The following ITGB4 variants were observed in gnomAD, a reference collection of about 807,000 sequenced individuals.
ITGB4 encodes integrin beta-4.
A neutral mutation model predicts 207.6 loss-of-function variants in ITGB4; 159 were observed. That is an observed-to-expected ratio of 0.77 (90% CI 0.67 to 0.87). The LOEUF (loss-of-function observed/expected upper bound fraction) is 0.87, where lower values mean the gene tolerates loss of function less well. ITGB4 is among the 40% of genes least tolerant of loss of function. The probability of loss-of-function intolerance (pLI) is 0.00; values close to 1 mark genes in which losing one functional copy is unlikely to be tolerated. For synonymous variants in ITGB4, 1,020 were observed against 1,062.7 expected, an observed-to-expected ratio of 0.96 and a Z score of 0.78; for missense variants, 2,278 against 2,546.8, an observed-to-expected ratio of 0.89 and a Z score of 2.27.
intron 36 of ITGB4, 41 bp downstream of exon 36, chr17:75,756,658 C>T (rs746488717): frequency 6.2e-6 from 10 of 1,613,016 alleles, no homozygotes; most frequent in Non-Finnish European, 8.5e-6. Context: ...CCCCATCATG[C>T]CCACCACCCA....
At chr17:75,733,460 G>A (rs1448513674) in intron 12 of ITGB4, 30 bp from the exon 13 acceptor site, 1 of 1,600,666 alleles carries the variant, frequency 6.2e-7, no homozygotes, top group Non-Finnish European at 8.5e-7. Flanking sequence ...CTCCTGGGCT[G>A]TTTCGGGGAA....
intron 33 of ITGB4, 132 bp from the exon 34 acceptor site, chr17:75,754,444 G>A (rs2061439774): frequency 8.7e-7 from 1 of 1,152,380 alleles, no homozygotes; most frequent in Non-Finnish European, 1.3e-6. Flanking sequence ...CTAGTGGTTT[G>A]AGGGAAACTG....
At chr17:75,741,891 A>G (rs938550608) in intron 23 of ITGB4, among the ~76,000 whole-genome samples, 1 of 151,908 alleles carries the variant, frequency 6.6e-6, no homozygotes, top group South Asian at 2.1e-4. Flanking sequence ...GTGTGTGGTC[A>G]TCTTATCCAA....
At chr17:75,751,995 G>A (rs1023858346) in intron 30 of ITGB4, 179 bp from the exon 31 acceptor site, 16 of 758,954 alleles carry the variant, frequency 2.1e-5, no homozygotes, top group African/African-American at 3.4e-5. Context: ...ATATGTCCAC[G>A]CCAGTCATGC....
rs150509859 is a variant in ITGB4, at chr17:75,747,211, G to A, written c.3112-1630G>A. On this transcript the variant is annotated intron_variant, in intron 26 of 39. Coordinates refer to ENST00000200181, the MANE Select transcript of ITGB4 (RefSeq NM_000213.5). ...GTCCATATTCCAGCCAGGCGTGGTG[G>A]CTCACACCTGTAATCCCAGCACTTT... Among the ~76,000 whole-genome samples the A allele has an allele frequency of 1.8e-3, 281 of 152,218 alleles. 2 individuals carry two copies. The highest frequency in any genetic ancestry group is 6.3e-3 in the African/African-American group (262 of 41,518).
chr17:75,743,780 C>T lies in ITGB4; in HGVS notation c.3030C>T (p.Ile1010=), dbSNP rs2061171129. ...SVSRGDQVAR[I]PVIRRVLDGG... ...GCCGCGGGGACCAGGTGGCCCGCAT[C>T]CCTGTCATCCGGCGTGTCCTGGACG... The change falls in exon 26 of 40, where the codon ATC becomes ATT. Residue 1010 remains isoleucine (I), a synonymous_variant. Coordinates refer to ENST00000200181, the MANE Select transcript of ITGB4 (RefSeq NM_000213.5). 1.2e-6 allele frequency: 2 copies of T among 1,613,458 alleles called. No homozygotes were observed. Among genetic ancestry groups the T allele is most frequent in the East Asian group, 4.5e-5 (2 of 44,878 alleles).
At chr17:75,751,972 G>T in intron 30 of ITGB4, 2 of 689,674 alleles carry the variant, frequency 2.9e-6, no homozygotes, top group Non-Finnish European at 5.3e-6. Flanking sequence ...GAGTCCCTTG[G>T]AGGACTGGTG....
In ITGB4 at chr17:75,753,956, A is replaced by T; in HGVS notation, c.4300A>T (p.Thr1434Ser). ...GGGCGGCAGCCTGCCCCGCAGTGCG[A>T]CACCCGGGCCCCCCGGAGGTGACAG... Reference protein sequence around the residue: ...GKGGSLPRSATPGPPGEHLVN... With the variant: ...GKGGSLPRSASPGPPGEHLVN... Residue 1434 changes from threonine (T) to serine (S), a missense_variant, in exon 33 of 40, where the codon ACA becomes TCA. Coordinates refer to ENST00000200181, the MANE Select transcript of ITGB4 (RefSeq NM_000213.5). 1 of 1,265,166 alleles carries T rather than the reference A, an allele frequency of 7.9e-7. No individual in the cohort carries two copies. Among genetic ancestry groups the T allele is most frequent in the Non-Finnish European group, 9.9e-7 (1 of 1,010,102 alleles). 78.4% of individuals were successfully genotyped at this position (1,265,166 alleles called of 1,614,324 possible).
In ITGB4 at chr17:75,733,702, A is replaced by G. The variant is rs1378622885; in HGVS notation, c.1657+10A>G. ...GGGTTCCTCTGCAATGGTGAGCACA[A>G]CAACTGCGGCCAATGCTGATGGCGG... On this transcript the variant is annotated intron_variant, in intron 13 of 39. Coordinates refer to ENST00000200181, the MANE Select transcript of ITGB4 (RefSeq NM_000213.5). 1 of 1,613,438 alleles carries G rather than the reference A, an allele frequency of 6.2e-7. No individual in the cohort carries two copies. The highest frequency in any genetic ancestry group is 1.3e-5 in the African/African-American group (1 of 74,936).
rs755302776 is a variant in ITGB4 at position 75,739,667 on chromosome 17, C to A, written c.2221-5C>A. ...GGCCTCACCCTCACCCACCTTGTCTCCTAGGCCTGCCTGGCACTTCTCCCG... is the reference window on the plus strand; with the variant it reads ...GGCCTCACCCTCACCCACCTTGTCTACTAGGCCTGCCTGGCACTTCTCCCG... On this transcript the variant is annotated splice_polypyrimidine_tract_variant and splice_region_variant and intron_variant, in intron 18 of 39. Transcript: ENST00000200181. This position sits in a 1 kb window ranked among gnomAD's most constrained non-coding sequence, Gnocchi z 5.4. The A allele has an allele frequency of 6.2e-7, 1 of 1,614,174 alleles. No homozygotes were observed. The highest frequency in any genetic ancestry group is 1.1e-5 in the South Asian group (1 of 91,088).
intron 25 of ITGB4, among the ~76,000 whole-genome samples, chr17:75,743,476 A>G (rs1315860301): frequency 6.6e-6 from 1 of 151,672 alleles, no homozygotes; most frequent in Non-Finnish European, 1.5e-5. Flanking sequence ...CAGGTGATCC[A>G]CCTGCCTCAG....
chr17:75,752,327 T>A lies in ITGB4; in HGVS notation c.3947T>A (p.Leu1316Gln). ...WGPEREAIIN[L>Q]ATQPKRPMSI... is the part of the protein sequence containing the mutation. Reference sequence around the variant, plus strand: ...CCTGAGCGGGAGGCCATCATCAACCTGGCCACCCAGCCCAAGAGGCCCATG... The same window carrying A: ...CCTGAGCGGGAGGCCATCATCAACCAGGCCACCCAGCCCAAGAGGCCCATG... Residue 1316 changes from leucine (L) to glutamine (Q), a missense_variant, in exon 31 of 40, where the codon CTG becomes CAG. Leu to Gln is a moderately radical substitution (Grantham distance 113). Transcript: ENST00000200181. The A allele has an allele frequency of 6.2e-7, 1 of 1,612,446 alleles. No homozygotes were observed. The highest frequency in any genetic ancestry group is 2.2e-5 in the East Asian group (1 of 44,830).
intron 18 of ITGB4, among the ~76,000 whole-genome samples, chr17:75,738,595 C>CA (rs2061035306): frequency 6.6e-6 from 1 of 152,234 alleles, no homozygotes; most frequent in South Asian, 2.1e-4. Flanking sequence ...TCCCTGAGAG[C>CA]ACCTGCTCTG....
rs936663656 is a variant in ITGB4 at position 75,722,063 on chromosome 17, G to A, written c.-11+451G>A. Reference sequence around the variant, plus strand: ...CTACTTTTAAAAGCCACCCTGAGAGGCAGACGCCATCCCGGCTCCAGGCAG... The same window carrying A: ...CTACTTTTAAAAGCCACCCTGAGAGACAGACGCCATCCCGGCTCCAGGCAG... On this transcript the variant is annotated intron_variant, in intron 1 of 39. Coordinates refer to ENST00000200181, the MANE Select transcript of ITGB4 (RefSeq NM_000213.5). The surrounding 1 kb of genome is among the most constrained non-coding windows in gnomAD (Gnocchi z 6.2). Among the ~76,000 whole-genome samples the A allele has an allele frequency of 3.3e-5, 5 of 152,256 alleles. No homozygotes were observed. The highest frequency in any genetic ancestry group is 5.9e-5 in the Non-Finnish European group (4 of 68,046).
intron 12 of ITGB4, 142 bp from the exon 13 acceptor site, chr17:75,733,348 T>C (rs1350375327): frequency 1.9e-5 from 11 of 589,068 alleles, no homozygotes; most frequent in Non-Finnish European, 3.0e-5. Context: ...ATCGCGCCAC[T>C]GCACTCCAGC....
In ITGB4 at chr17:75,732,012, G is replaced by T; in HGVS notation, c.1377+39G>T. 6.2e-7 allele frequency: 1 copy of T among 1,613,794 alleles called. No individual in the cohort carries two copies. On this transcript the variant is annotated intron_variant, in intron 11 of 39. Transcript: ENST00000200181. This position sits in a 1 kb window ranked among gnomAD's most constrained non-coding sequence, Gnocchi z 5.3. ...CCGCAGGGCGGGAGGGGAGAGCTGA[G>T]CCAAGCACCCAGGGACCCTGAGGAA...
At position 75,740,099 on chromosome 17, in the gene ITGB4, C is replaced by T. The variant is rs1415456311; in HGVS notation, c.2446+28C>T. Reference sequence around the variant, plus strand: ...GAGGGCGGGGCTGGGCGCCACAGCTCTGGGCAGTGCCCTTCGGGCCCTCTG... The same window carrying T: ...GAGGGCGGGGCTGGGCGCCACAGCTTTGGGCAGTGCCCTTCGGGCCCTCTG... On this transcript the variant is annotated intron_variant, in intron 20 of 39. Coordinates refer to ENST00000200181, the MANE Select transcript of ITGB4 (RefSeq NM_000213.5). The surrounding 1 kb of genome is among the most constrained non-coding windows in gnomAD (Gnocchi z 5.9). 11 of 1,594,634 alleles carry T rather than the reference C, an allele frequency of 6.9e-6. No individual in the cohort carries two copies. The highest frequency in any genetic ancestry group is 5.1e-6 in the Non-Finnish European group (6 of 1,170,024).
At chr17:75,749,096 G>A in intron 27 of ITGB4, 51 bp downstream of exon 27, 2 of 1,473,752 alleles carry the variant, frequency 1.4e-6, no homozygotes, top group Non-Finnish European at 1.9e-6. Context: ...GAAGACTGGG[G>A]GGTCTCTCAA....
At chr17:75,753,691 G>A in intron 32 of ITGB4, 74 bp from the exon 33 acceptor site, 1 of 1,036,670 alleles carries the variant, frequency 9.6e-7, no homozygotes, top group Non-Finnish European at 1.2e-6. Context: ...CAGAGCCTAC[G>A]GCCTTCCCCC....
Sources: allele counts gnomAD v4.1 joint callset (sites outside exome capture counted in the v4.1 genomes callset), GRCh38; gene constraint gnomAD v4.1.1; non-coding constraint Gnocchi (gnomAD v3.1); transcripts MANE v1.5; gene names NCBI Gene and HGNC (gene_info 2026-07-23, HGNC 2026-07-21).